Variants in AKAP19 observed in about 807,000 individuals in gnomAD.
The protein encoded by AKAP19 is small A-kinase anchoring protein.
chr2:190,096,401 A>C, the AKAP19 span, among the ~76,000 whole-genome samples: 309 of 152,350 alleles, frequency 2.0e-3, 10 homozygotes, highest in South Asian at 0.057. Flanking sequence ...TGAACTCTTC[A>C]TGAGATGAAT....
the AKAP19 span, among the ~76,000 whole-genome samples, chr2:190,177,701 C>T: frequency 1.3e-5 from 2 of 152,136 alleles, no homozygotes; most frequent in Non-Finnish European, 2.9e-5. This position sits in a 1 kb window ranked among gnomAD's most constrained non-coding sequence, Gnocchi z 4.6. Flanking sequence ...GTCTGTCTGA[C>T]GTGGAAGTTT....
At chr2:190,054,354 G>T in the AKAP19 span, among the ~76,000 whole-genome samples, 5 of 152,126 alleles carry the variant, frequency 3.3e-5, no homozygotes, top group African/African-American at 1.2e-4. Context: ...ATGGATTAAA[G>T]ACTTAAATGT....
At chr2:189,993,909 T>A in the AKAP19 span, among the ~76,000 whole-genome samples, 11 of 152,126 alleles carry the variant, frequency 7.2e-5, no homozygotes, top group East Asian at 9.6e-4. Flanking sequence ...TCTTGATTAA[T>A]CTTGTTAATG....
At chr2:190,118,653 G>A in the AKAP19 span, among the ~76,000 whole-genome samples, 1 of 152,176 alleles carries the variant, frequency 6.6e-6, no homozygotes, top group Non-Finnish European at 1.5e-5. Context: ...AAAGGCCTGT[G>A]ACAAAATTCA....
chr2:189,974,999 G>A, the AKAP19 span, among the ~76,000 whole-genome samples: 2 of 152,058 alleles, frequency 1.3e-5, no homozygotes, highest in Admixed American at 6.6e-5. Flanking sequence ...TAATATTGTT[G>A]TGTGTGAATT....
chr2:190,129,388 A>G, the AKAP19 span, among the ~76,000 whole-genome samples: 1 of 152,238 alleles, frequency 6.6e-6, no homozygotes, highest in Admixed American at 6.5e-5. Context: ...AATATTTGAT[A>G]GTCAGAATCA....
At chr2:189,888,266 T>A in the AKAP19 span, among the ~76,000 whole-genome samples, 2 of 152,214 alleles carry the variant, frequency 1.3e-5, no homozygotes, top group African/African-American at 2.4e-5. Context: ...TGGTTGTAGA[T>A]AGGCGGGATT....
chr2:189,994,700 G>A, the AKAP19 span, among the ~76,000 whole-genome samples: 2 of 152,010 alleles, frequency 1.3e-5, no homozygotes, highest in South Asian at 2.1e-4. Flanking sequence ...CTGGGTTCAA[G>A]CAATTCTCCT....
At chr2:189,909,994 C>A in the AKAP19 span, among the ~76,000 whole-genome samples, 2 of 151,500 alleles carry the variant, frequency 1.3e-5, no homozygotes, top group Non-Finnish European at 3.0e-5. Flanking sequence ...ATATGCTTTG[C>A]TTTAATTTGT....
chr2:190,124,129 C>T, the AKAP19 span, among the ~76,000 whole-genome samples: 2 of 152,192 alleles, frequency 1.3e-5, no homozygotes, highest in African/African-American at 4.8e-5. Flanking sequence ...ATCTCAGGGT[C>T]TCCAGATTGC....
the AKAP19 span, among the ~76,000 whole-genome samples, chr2:189,967,376 C>T: frequency 6.6e-6 from 1 of 152,308 alleles, no homozygotes; most frequent in African/African-American, 2.4e-5. Context: ...CACCTAGACA[C>T]ATCAGGGTGT....
At chr2:189,928,412 A>G in the AKAP19 span, among the ~76,000 whole-genome samples, 2 of 152,156 alleles carry the variant, frequency 1.3e-5, no homozygotes, top group African/African-American at 2.4e-5. Flanking sequence ...AAGTCTGACT[A>G]TAATACTTGA....
At chr2:190,081,176 T>C in the AKAP19 span, among the ~76,000 whole-genome samples, 1 of 152,136 alleles carries the variant, frequency 6.6e-6, no homozygotes, top group Admixed American at 6.5e-5. Context: ...TCAACAGCCA[T>C]GCTTTCTCTG....
chr2:189,942,610 G>A, the AKAP19 span, among the ~76,000 whole-genome samples: 1 of 152,352 alleles, frequency 6.6e-6, no homozygotes, highest in Admixed American at 6.5e-5. Context: ...ACAGGAAGAT[G>A]AGGGAAAGTT....
chr2:190,171,840 C>A, the AKAP19 span, among the ~76,000 whole-genome samples: 2 of 152,102 alleles, frequency 1.3e-5, no homozygotes, highest in Admixed American at 1.3e-4. Context: ...TTGTCTCAGG[C>A]ATTACGGTAG....
the AKAP19 span, among the ~76,000 whole-genome samples, chr2:190,040,803 G>C: frequency 6.6e-6 from 1 of 152,054 alleles, no homozygotes; most frequent in Non-Finnish European, 1.5e-5. Context: ...GCTTGTTTTT[G>C]TCAGCTTTGT....
chr2:190,064,292 T>C, the AKAP19 span, among the ~76,000 whole-genome samples: 12 of 152,154 alleles, frequency 7.9e-5, no homozygotes, highest in African/African-American at 2.9e-4. Context: ...TATGGGACAA[T>C]ATTAGATCTG....
the AKAP19 span, among the ~76,000 whole-genome samples, chr2:190,175,389 C>T: frequency 1.3e-5 from 2 of 152,158 alleles, no homozygotes; most frequent in Non-Finnish European, 2.9e-5. Flanking sequence ...GTATAGTTGA[C>T]AGCTTATATA....
chr2:189,970,215 C>T, the AKAP19 span, among the ~76,000 whole-genome samples: 1 of 151,948 alleles, frequency 6.6e-6, no homozygotes, highest in African/African-American at 2.4e-5. Context: ...TAGCATATGT[C>T]TATAGAAATA....
Sources: gnomAD v4.1 joint callset for allele counts (sites outside exome capture counted in the v4.1 genomes callset) on GRCh38, gnomAD v4.1.1 for gene constraint, Gnocchi (gnomAD v3.1) non-coding constraint, MANE v1.5 for transcripts, NCBI Gene and HGNC (gene_info 2026-07-23, HGNC 2026-07-21) for gene names.